The following FERMT2 variants were observed in gnomAD, a reference collection of about 807,000 sequenced individuals.
FERMT2 encodes fermitin family homolog 2.
FERMT2 carries 15 observed loss-of-function variants against 82.7 expected under a neutral mutation model. The observed-to-expected ratio is 0.18, with a 90% CI of 0.12 to 0.28. The LOEUF (loss-of-function observed/expected upper bound fraction) is 0.28. FERMT2 is among the 10% of genes least tolerant of loss of function. The pLI is 1.00. For synonymous variants in FERMT2, 274 were observed against 271.5 expected, an observed-to-expected ratio of 1.01 and a Z score of -0.09; for missense variants, 645 against 809.4, an observed-to-expected ratio of 0.80 and a Z score of 2.46.
At chr14:52,878,150 C>A (rs765800174) in intron 7 of FERMT2, among the ~76,000 whole-genome samples, 11 of 152,300 alleles carry the variant, frequency 7.2e-5, no homozygotes, top group Admixed American at 2.0e-4. Context: ...CACCTAAAAG[C>A]ATCGCTTTGC....
At chr14:52,913,381 T>C (rs1158556370) in intron 3 of FERMT2, among the ~76,000 whole-genome samples, 3 of 152,190 alleles carry the variant, frequency 2.0e-5, no homozygotes, top group Non-Finnish European at 4.4e-5. Flanking sequence ...TGGATATGGC[T>C]TCTCTGTCCT....
chr14:52,935,093 G>A (rs1889775703), intron 2 of FERMT2, among the ~76,000 whole-genome samples: 1 of 152,152 alleles, frequency 6.6e-6, no homozygotes, highest in Non-Finnish European at 1.5e-5. Flanking sequence ...CAACTAAAAT[G>A]TGAGCCATGT....
intron 2 of FERMT2, among the ~76,000 whole-genome samples, chr14:52,948,899 C>T (rs1164392524): frequency 2.6e-5 from 4 of 152,154 alleles, no homozygotes; most frequent in Non-Finnish European, 5.9e-5. Flanking sequence ...AACAAAAATG[C>T]TTGTTTTCTT....
At chr14:52,879,820 T>C (rs567890173) in intron 6 of FERMT2, among the ~76,000 whole-genome samples, 1 of 152,242 alleles carries the variant, frequency 6.6e-6, no homozygotes, top group South Asian at 2.1e-4. Flanking sequence ...GTGCCAAGTG[T>C]TTTCTACGGG....
At chr14:52,942,423 C>T (rs1282596770) in intron 2 of FERMT2, among the ~76,000 whole-genome samples, 11 of 151,854 alleles carry the variant, frequency 7.2e-5, no homozygotes, top group African/African-American at 2.7e-4. Flanking sequence ...CAGCCTCAGC[C>T]TCCCGAGTAG....
intron 10 of FERMT2, among the ~76,000 whole-genome samples, chr14:52,867,270 T>A (rs964972599): frequency 6.6e-6 from 1 of 152,104 alleles, no homozygotes; most frequent in African/African-American, 2.4e-5. Flanking sequence ...TCTCAGTGAC[T>A]GTACTTTGGC....
rs953643009 is a variant in FERMT2, at chr14:52,894,011, A to T, written c.392-584T>A. Reference sequence around the variant, plus strand: ...GCCTGGCTAATTTTGTATTTTTAATAGAGACAGGGTTTCTCCATGTTGATC... The same window carrying T: ...GCCTGGCTAATTTTGTATTTTTAATTGAGACAGGGTTTCTCCATGTTGATC... On this transcript the variant is annotated intron_variant, in intron 3 of 14. Coordinates refer to ENST00000341590, the MANE Select transcript of FERMT2 (RefSeq NM_006832.3). Among the ~76,000 whole-genome samples, 5 of 152,138 alleles carry T rather than the reference A, an allele frequency of 3.3e-5. No individual in the cohort carries two copies. The East Asian group carries it at 9.6e-4, about 29-fold the overall frequency.
chr14:52,919,267 C>T lies in FERMT2; in HGVS notation c.247G>A (p.Gly83Ser), dbSNP rs1291099159. 3 of 1,613,910 alleles carry T rather than the reference C, an allele frequency of 1.9e-6. No homozygotes were observed. Among genetic ancestry groups the T allele is most frequent in the Non-Finnish European group, 2.5e-6 (3 of 1,179,964 alleles). ...TGAAGCTTAGCATCTGCCTGAATAC[C>T]ATACTTATCTAAGGTCCAATGTGTC... ...LKTHWTLDKYGIQADAKLQFT... is the reference protein window; with the variant it reads ...LKTHWTLDKYSIQADAKLQFT... The change falls in exon 3 of 15, where the codon GGT becomes AGT. Residue 83 changes from glycine (G) to serine (S), a missense_variant. Coordinates refer to ENST00000341590, the MANE Select transcript of FERMT2 (RefSeq NM_006832.3).
chr14:52,950,857 G>A (rs956548108), intron 1 of FERMT2, 64 bp downstream of exon 1: 11 of 270,654 alleles, frequency 4.1e-5, no homozygotes, highest in African/African-American at 2.4e-4. Context: ...CACAGCGCGG[G>A]CTGACTCCCC....
Position 52,927,591 on chromosome 14 carries a change from A to AT in FERMT2, c.158-8236dup, listed in dbSNP as rs1566755595. Among the ~76,000 whole-genome samples, 19 of 93,324 alleles carry AT rather than the reference A, an allele frequency of 2.0e-4. No homozygotes were observed. The South Asian group carries it at 3.6e-3, about 18-fold the overall frequency. The allele number at this position is 93,324 out of a possible 152,430, so 61.2% of individuals were successfully genotyped here. ...GGCAACATAGCAAAACCTCATCCCT[A>AT]TAAAAAAAAAAAAAAAAAAAAAAAA... On this transcript the variant is annotated intron_variant, in intron 2 of 14. Coordinates refer to ENST00000341590, the MANE Select transcript of FERMT2 (RefSeq NM_006832.3).
At position 52,914,245 on chromosome 14, in the gene FERMT2, C is replaced by T. The variant is rs192236083; in HGVS notation, c.391+4878G>A. Among the ~76,000 whole-genome samples the T allele has an allele frequency of 8.2e-3, 1,250 of 152,002 alleles. 8 individuals are homozygous for T. The highest frequency in any genetic ancestry group is 0.014 in the Non-Finnish European group (942 of 67,960). ...ATTAGCCAGGCATGGTGGTGCATGC[C>T]TGTGGTCCCAGCTACTTGGGAGGCT... On this transcript the variant is annotated intron_variant, in intron 3 of 14. Transcript: ENST00000341590.
Position 52,947,666 on chromosome 14 carries a change from C to A in FERMT2, c.157+2746G>T, listed in dbSNP as rs184917397. Among the ~76,000 whole-genome samples the A allele has an allele frequency of 9.9e-5, 15 of 152,242 alleles. No homozygotes were observed. The South Asian group carries it at 3.1e-3, about 32-fold the overall frequency. ...AAGGAAACATTATTTACACTTATGTCGTGCTTAATTAAAATGCCGCACTCT... is the reference window on the plus strand; with the variant it reads ...AAGGAAACATTATTTACACTTATGTAGTGCTTAATTAAAATGCCGCACTCT... On this transcript the variant is annotated intron_variant, in intron 2 of 14. Coordinates refer to ENST00000341590, the MANE Select transcript of FERMT2 (RefSeq NM_006832.3).
intron 13 of FERMT2, 21 bp from the exon 14 acceptor site, chr14:52,859,735 AC>A (rs1462960957): frequency 6.6e-7 from 1 of 1,505,048 alleles, no homozygotes; most frequent in Non-Finnish European, 9.1e-7. Flanking sequence ...TAAGAAAAGA[AC>A]GGTTAAAAAC....
chr14:52,904,764 A>G (rs1446011767), intron 3 of FERMT2, among the ~76,000 whole-genome samples: 1 of 144,454 alleles, frequency 6.9e-6, no homozygotes, highest in Admixed American at 7.0e-5. Flanking sequence ...AAGGAGGAGA[A>G]AAAAAAAAAA....
At chr14:52,925,739 A>G (rs1238889714) in intron 2 of FERMT2, among the ~76,000 whole-genome samples, 1 of 151,956 alleles carries the variant, frequency 6.6e-6, no homozygotes, top group African/African-American at 2.4e-5. Flanking sequence ...CCCGGGTTCA[A>G]GTGATTCTCC....
chr14:52,892,175 T>TG (rs1459627167), intron 4 of FERMT2, among the ~76,000 whole-genome samples: 1 of 149,180 alleles, frequency 6.7e-6, no homozygotes, highest in African/African-American at 2.5e-5. Flanking sequence ...TGTTTTTTTT[T>TG]TTTTTTTTTT....
intron 12 of FERMT2, chr14:52,863,771 G>C (rs1238813451): frequency 6.6e-6 from 1 of 152,106 alleles, no homozygotes; most frequent in Non-Finnish European, 1.5e-5. Context: ...ATTTCAACAA[G>C]AGCAGGTATT....
At chr14:52,869,246 T>C (rs779908034) in intron 10 of FERMT2, among the ~76,000 whole-genome samples, 46 of 152,282 alleles carry the variant, frequency 3.0e-4, no homozygotes, top group Non-Finnish European at 5.6e-4. Flanking sequence ...ATTAAGAGTT[T>C]CAGGTAAATT....
At chr14:52,937,839 G>C (rs916227933) in intron 2 of FERMT2, among the ~76,000 whole-genome samples, 5 of 152,118 alleles carry the variant, frequency 3.3e-5, no homozygotes, top group African/African-American at 1.2e-4. Flanking sequence ...GCTATTTTAA[G>C]TTCTGTAAGG....
Sources: gnomAD v4.1 joint callset for allele counts (sites outside exome capture counted in the v4.1 genomes callset) on GRCh38, gnomAD v4.1.1 for gene constraint, MANE v1.5 for transcripts, NCBI Gene and HGNC (gene_info 2026-07-23, HGNC 2026-07-21) for gene names.